Variants in ME1 observed in about 807,000 individuals in gnomAD.
The protein encoded by ME1 is NADP-dependent malic enzyme.
Under a neutral mutation model 66.4 loss-of-function variants are expected in ME1, and 74 were observed. That is an observed-to-expected ratio of 1.11 (90% CI 0.92 to 1.35). The LOEUF (loss-of-function observed/expected upper bound fraction) is 1.35. ME1 is among the 40% of genes most tolerant of loss of function. ME1 has a pLI of 0.00. For missense variants in ME1, 750 were observed against 694.1 expected (o/e 1.08, Z -0.90); for synonymous variants, 251 against 235.6 (o/e 1.07, Z -0.60).
chr6:83,362,567 C>A (rs910732452), intron 3 of ME1, among the ~76,000 whole-genome samples: 1 of 152,196 alleles, frequency 6.6e-6, no homozygotes, highest in African/African-American at 2.4e-5. Flanking sequence ...CTGGCTATGG[C>A]CACTGCTAAG....
intron 3 of ME1, among the ~76,000 whole-genome samples, chr6:83,359,068 A>G (rs2128545579): frequency 6.6e-6 from 1 of 151,708 alleles, no homozygotes; most frequent in African/African-American, 2.4e-5. Flanking sequence ...AGAGGGGCAC[A>G]TCACTTCCCA....
chr6:83,423,174 A>C (rs545403054), intron 1 of ME1, among the ~76,000 whole-genome samples: 4 of 150,510 alleles, frequency 2.7e-5, no homozygotes, highest in African/African-American at 9.7e-5. Flanking sequence ...GGAAAAAGAA[A>C]GGGCGGGAGG....
chr6:83,387,645 C>A (rs1769536400), intron 3 of ME1, among the ~76,000 whole-genome samples: 1 of 151,894 alleles, frequency 6.6e-6, no homozygotes, highest in African/African-American at 2.4e-5. Context: ...ATAATGAATA[C>A]TCTACTTCAA....
intron 6 of ME1, among the ~76,000 whole-genome samples, chr6:83,301,352 T>C (rs961683483): frequency 1.5e-4 from 22 of 151,472 alleles, no homozygotes; most frequent in African/African-American, 5.1e-4. Flanking sequence ...CTTTCTTTCT[T>C]TCTTTCTTGA....
intron 6 of ME1, among the ~76,000 whole-genome samples, chr6:83,266,088 T>C (rs958867859): frequency 6.6e-6 from 1 of 152,180 alleles, no homozygotes; most frequent in Non-Finnish European, 1.5e-5. Flanking sequence ...AAAAGCATTA[T>C]AAACATTAGC....
intron 5 of ME1, among the ~76,000 whole-genome samples, chr6:83,326,107 A>G (rs576581755): frequency 1.3e-5 from 2 of 152,252 alleles, no homozygotes; most frequent in Admixed American, 6.5e-5. Flanking sequence ...CACATCTACA[A>G]CTATATGATC....
chr6:83,326,614 GC>G (rs1562481888), intron 5 of ME1, among the ~76,000 whole-genome samples: 1 of 152,098 alleles, frequency 6.6e-6, no homozygotes, highest in African/African-American at 2.4e-5. Flanking sequence ...CATGTATGTG[GC>G]CAAAAAACAT....
At chr6:83,376,772 C>T (rs1769298861) in intron 3 of ME1, among the ~76,000 whole-genome samples, 1 of 134,910 alleles carries the variant, frequency 7.4e-6, no homozygotes, top group African/African-American at 2.8e-5. Context: ...CACTGAACTC[C>T]AGCCCAGGCG....
intron 6 of ME1, among the ~76,000 whole-genome samples, chr6:83,296,874 G>A (rs1206184690): frequency 6.6e-6 from 1 of 151,944 alleles, no homozygotes; most frequent in African/African-American, 2.4e-5. Flanking sequence ...TCTTTAGGGT[G>A]TTCCAACTTC....
At chr6:83,239,736 T>A in intron 7 of ME1, 100 bp from the exon 8 acceptor site, 1 of 815,026 alleles carries the variant, frequency 1.2e-6, no homozygotes, top group Non-Finnish European at 2.0e-6. Context: ...ACAGGTTAAC[T>A]GGTACAGAAG....
At chr6:83,373,174 T>C (rs1453190405) in intron 3 of ME1, among the ~76,000 whole-genome samples, 1 of 152,228 alleles carries the variant, frequency 6.6e-6, no homozygotes, top group African/African-American at 2.4e-5. Context: ...TCATATTTCC[T>C]GTATCTTTGT....
In ME1 at chr6:83,237,276, A is replaced by AAAGAAAGAAAGAAAGAAAGGAAGG. The variant is rs754296141; in HGVS notation, c.1026+440_1026+441insCCTTCCTTTCTTTCTTTCTTTCTT. 1.9e-4 allele frequency among the ~76,000 whole-genome samples: 14 copies of AAAGAAAGAAAGAAAGAAAGGAAGG among 73,690 alleles called. 1 individual carries two copies. The highest frequency in any genetic ancestry group is 1.4e-3 in the South Asian group (4 of 2,780). 48.3% of individuals were successfully genotyped at this position (73,690 alleles called of 152,430 possible). A position where few individuals can be genotyped will look rare whatever the true frequency, so the allele number is the denominator to read the frequency against. On this transcript the variant is annotated intron_variant, in intron 9 of 13. Transcript: ENST00000369705. ...GAAAGAAAGAAAGAAAGAAAGAAAG[A>AAAGAAAGAAAGAAAGAAAGGAAGG]AAGGAAGGAAGGAAGGAAAGAAAGA...
At chr6:83,399,666 A>C (rs1769806186) in intron 2 of ME1, among the ~76,000 whole-genome samples, 1 of 152,210 alleles carries the variant, frequency 6.6e-6, no homozygotes, top group Non-Finnish European at 1.5e-5. Context: ...TGTAAATATA[A>C]ACCTCTTCAT....
intron 12 of ME1, among the ~76,000 whole-genome samples, chr6:83,222,085 C>T (rs1790105405): frequency 6.6e-6 from 1 of 152,030 alleles, no homozygotes; most frequent in African/African-American, 2.4e-5. Context: ...CTAGAGGGTG[C>T]TAGAGTTATT....
intron 4 of ME1, among the ~76,000 whole-genome samples, chr6:83,347,524 G>A (rs1159565046): frequency 6.6e-6 from 1 of 152,138 alleles, no homozygotes; most frequent in Admixed American, 6.6e-5. Context: ...GGTAAATTGG[G>A]AGTAATAAAG....
chr6:83,348,350 G>A (rs1768726409), intron 4 of ME1, among the ~76,000 whole-genome samples: 1 of 152,022 alleles, frequency 6.6e-6, no homozygotes, highest in Non-Finnish European at 1.5e-5. Context: ...CACAAATAGA[G>A]GTATTTTTAC....
intron 6 of ME1, among the ~76,000 whole-genome samples, chr6:83,304,104 T>C (rs928947304): frequency 6.6e-6 from 1 of 152,202 alleles, no homozygotes; most frequent in African/African-American, 2.4e-5. Context: ...TCATAACAAC[T>C]GTCTGAAGGT....
At chr6:83,262,972 C>T (rs183159111) in intron 6 of ME1, among the ~76,000 whole-genome samples, 1 of 152,246 alleles carries the variant, frequency 6.6e-6, no homozygotes, top group African/African-American at 2.4e-5. Flanking sequence ...CATTTTTTTA[C>T]AAATTGAAGA....
At position 83,357,696 on chromosome 6, in the gene ME1, T is replaced by C. The variant is rs1410262183; in HGVS notation, c.363-5557A>G. Among the ~76,000 whole-genome samples, 5 of 151,670 alleles carry C rather than the reference T, an allele frequency of 3.3e-5. No homozygotes were observed. In the East Asian group the frequency reaches 9.8e-4, roughly 30 times the overall value. On this transcript the variant is annotated intron_variant, in intron 3 of 13. Transcript: ENST00000369705. Reference sequence around the variant, plus strand: ...TAATCAGCTGCCAGTGTGGCTACAATATAAGCAGGCAGAAAAATGTGAAAA... The same window carrying C: ...TAATCAGCTGCCAGTGTGGCTACAACATAAGCAGGCAGAAAAATGTGAAAA...
Sources: allele counts gnomAD v4.1 joint callset (sites outside exome capture counted in the v4.1 genomes callset), GRCh38; gene constraint gnomAD v4.1.1; transcripts MANE v1.5; gene names NCBI Gene and HGNC (gene_info 2026-07-23, HGNC 2026-07-21).